Variants in MOV10L1 observed in about 807,000 individuals in gnomAD.
MOV10L1 encodes the protein Mov10 like RNA helicase 1, also known as RNA helicase Mov10l1.
Under a neutral mutation model 143.8 loss-of-function variants are expected in MOV10L1, and 110 were observed. The ratio of observed to expected loss-of-function variants is 0.76; its 90% CI spans 0.66 to 0.90. The LOEUF (loss-of-function observed/expected upper bound fraction) is 0.90. MOV10L1 is among the 40% of genes least tolerant of loss of function. MOV10L1 has a pLI of 0.00. For synonymous variants in MOV10L1, 593 were observed against 581.1 expected (o/e 1.02, Z -0.29); for missense variants, 1,406 against 1,526.8 (o/e 0.92, Z 1.32).
intron 5 of MOV10L1, among the ~76,000 whole-genome samples, 172 bp downstream of exon 5, chr22:50,109,016 C>T (rs1602166423): frequency 6.6e-6 from 1 of 151,972 alleles, no homozygotes; most frequent in Non-Finnish European, 1.5e-5. Context: ...TGGTGGTGCT[C>T]GCCTGTAATC....
intron 18 of MOV10L1, among the ~76,000 whole-genome samples, chr22:50,145,294 C>T (rs778093243): frequency 5.3e-5 from 8 of 152,110 alleles, no homozygotes; most frequent in Non-Finnish European, 7.4e-5. Flanking sequence ...TGGTGGCATG[C>T]GCCTGTAATC....
chr22:50,143,988 C>A, intron 17 of MOV10L1, 109 bp from the exon 18 acceptor site: 3 of 1,390,286 alleles, frequency 2.2e-6, no homozygotes, highest in Non-Finnish European at 3.0e-6. Context: ...GCATCTGAGC[C>A]CATGCAGCTG....
intron 3 of MOV10L1, among the ~76,000 whole-genome samples, chr22:50,101,396 T>C (rs945526022): frequency 6.6e-6 from 1 of 151,978 alleles, no homozygotes; most frequent in Non-Finnish European, 1.5e-5. Context: ...TTTGTATTTT[T>C]AGTAGAGACG....
rs777895411 is a variant in MOV10L1, at chr22:50,092,021, G to C, written c.118G>C (p.Val40Leu). 2.5e-6 allele frequency: 4 copies of C among 1,613,844 alleles called. No homozygotes were observed. Among genetic ancestry groups the C allele is most frequent in the Non-Finnish European group, 3.4e-6 (4 of 1,179,956 alleles). ...CTCAGGTGACACTAAGCTGAAAACTGTACGGGGTGTCGTGACAAGGTACTG... is the reference window on the plus strand; with the variant it reads ...CTCAGGTGACACTAAGCTGAAAACTCTACGGGGTGTCGTGACAAGGTACTG... ...LAEGDTKLKT[V>L]RGVVTRYCSD... is the part of the protein sequence containing the mutation. The change falls in exon 2 of 27, where the codon GTA becomes CTA. Residue 40 changes from valine to leucine, a missense_variant. Transcript: ENST00000262794.
chr22:50,142,951 A>G, intron 16 of MOV10L1, 92 bp from the exon 17 acceptor site: 1 of 1,230,716 alleles, frequency 8.1e-7, no homozygotes, highest in Non-Finnish European at 1.2e-6. Context: ...GCCTTTGCAC[A>G]GACGTGCTGA....
At chr22:50,130,789 C>G (rs2062651404) in intron 13 of MOV10L1, among the ~76,000 whole-genome samples, 1 of 152,210 alleles carries the variant, frequency 6.6e-6, no homozygotes, top group Non-Finnish European at 1.5e-5. Context: ...GCCTGGACTC[C>G]TTGACCTGCT....
intron 3 of MOV10L1, among the ~76,000 whole-genome samples, chr22:50,103,814 C>T (rs1272668206): frequency 1.3e-5 from 2 of 152,208 alleles, no homozygotes; most frequent in Non-Finnish European, 2.9e-5. Context: ...CAGCAGTCCC[C>T]AAACTCTTTG....
At chr22:50,128,538 G>GTA in intron 13 of MOV10L1, 31 bp downstream of exon 13, 5 of 596,962 alleles carry the variant, frequency 8.4e-6, no homozygotes, top group African/African-American at 2.3e-5. Context: ...TCTTTCAAAT[G>GTA]TCTTTTTTTT....
At chr22:50,140,875 A>T (rs2062964875) in intron 15 of MOV10L1, among the ~76,000 whole-genome samples, 1 of 152,132 alleles carries the variant, frequency 6.6e-6, no homozygotes, top group Non-Finnish European at 1.5e-5. Flanking sequence ...GGTGTGAACC[A>T]CTACCCCTGG....
At chr22:50,116,233 G>T (rs2062171598) in intron 8 of MOV10L1, among the ~76,000 whole-genome samples, 2 of 150,840 alleles carry the variant, frequency 1.3e-5, no homozygotes, top group Admixed American at 6.6e-5. Context: ...ATAGAAACAG[G>T]TTTTTTCAAA....
intron 5 of MOV10L1, among the ~76,000 whole-genome samples, chr22:50,112,004 G>A (rs2062038927): frequency 6.6e-6 from 1 of 152,228 alleles, no homozygotes. Flanking sequence ...AGCCACAGGG[G>A]TGTGCGGAGC....
chr22:50,092,890 T>G (rs1218925743), intron 2 of MOV10L1: 1 of 152,120 alleles, frequency 6.6e-6, no homozygotes, highest in African/African-American at 2.4e-5. Flanking sequence ...GTAACTTTTC[T>G]TTTTCTTTTT....
chr22:50,137,462 G>T (rs971453609), intron 15 of MOV10L1, among the ~76,000 whole-genome samples: 2 of 152,058 alleles, frequency 1.3e-5, no homozygotes, highest in Non-Finnish European at 2.9e-5. Flanking sequence ...TATCTAACAT[G>T]GAACAGAGGC....
At chr22:50,143,307 G>C (rs1025571470) in intron 17 of MOV10L1, 86 bp downstream of exon 17, 25 of 1,423,004 alleles carry the variant, frequency 1.8e-5, no homozygotes, top group Non-Finnish European at 2.5e-5. Context: ...AGTTTAGATT[G>C]TAGAATCAGA....
chr22:50,134,729 C>A, intron 15 of MOV10L1, 99 bp downstream of exon 15: 2 of 989,792 alleles, frequency 2.0e-6, no homozygotes, highest in South Asian at 1.4e-5. Context: ...TGTCTCTACA[C>A]AGGGGATGGC....
In MOV10L1 at chr22:50,145,754, C is replaced by G. The variant is rs996316870; in HGVS notation, c.2571C>G (p.Phe857Leu). Residue 857 changes from phenylalanine (F) to leucine (L), a missense_variant, in exon 19 of 27, where the codon TTC (phenylalanine) becomes TTG (leucine). Around this residue, in one of 3 missense-constraint regions of MOV10L1, gnomAD observed 1,233 missense variants for 1,351.4 expected, o/e 0.91. Coordinates refer to ENST00000262794, the MANE Select transcript of MOV10L1 (RefSeq NM_018995.3). ...DGEDIWKASRFRIIITTCSSS... is the reference protein window; with the variant it reads ...DGEDIWKASRLRIIITTCSSS... ...AAGACATCTGGAAAGCCTCACGCTT[C>G]CGGATAATCATCACCACATGCAGCA... 2 of 1,614,176 alleles carry G rather than the reference C, an allele frequency of 1.2e-6. No individual in the cohort carries two copies. Among genetic ancestry groups the G allele is most frequent in the Non-Finnish European group, 1.7e-6 (2 of 1,180,038 alleles).
At position 50,160,704 on chromosome 22, in the gene MOV10L1, A is replaced by T; in HGVS notation, c.3341A>T (p.Asp1114Val). Residue 1114 changes from aspartate (D) to valine (V), a missense_variant, in exon 25 of 27, where the codon GAT becomes GTT. Transcript: ENST00000262794. ...IIISTVRSNE[D>V]RFEDDRYFLG... ...TGCTTTTAGGTACGGTCAAATGAAG[A>T]TAGATTTGAAGATGATCGATATTTT... is the stretch of plus-strand genomic sequence containing the variant. 1 of 1,614,070 alleles carries T rather than the reference A, an allele frequency of 6.2e-7. No homozygotes were observed. Among genetic ancestry groups the T allele is most frequent in the Non-Finnish European group, 8.5e-7 (1 of 1,179,988 alleles).
intron 10 of MOV10L1, among the ~76,000 whole-genome samples, chr22:50,123,311 C>T (rs187369690): frequency 1.3e-5 from 2 of 151,626 alleles, no homozygotes; most frequent in African/African-American, 4.8e-5. Flanking sequence ...AAATGTTGAA[C>T]TATCCTTGCA....
intron 19 of MOV10L1, among the ~76,000 whole-genome samples, chr22:50,146,802 G>A (rs1001961291): frequency 6.6e-6 from 1 of 152,186 alleles, no homozygotes. Context: ...GGTTTCATCG[G>A]CGCGTTTAAC....
Sources: allele counts gnomAD v4.1 joint callset (sites outside exome capture counted in the v4.1 genomes callset), GRCh38; gene constraint gnomAD v4.1.1; regional missense constraint gnomAD v4.1.1; transcripts MANE v1.5; gene names NCBI Gene and HGNC (gene_info 2026-07-23, HGNC 2026-07-21).